PCDH17: variants seen among roughly 807,000 people sequenced by gnomAD.
PCDH17 encodes protocadherin-17.
A neutral mutation model predicts 67.7 loss-of-function variants in PCDH17; 21 were observed. That is an observed-to-expected ratio of 0.31 (90% CI 0.22 to 0.45). The LOEUF is 0.45. Ranked by LOEUF, PCDH17 falls within the 20% of genes least tolerant of loss-of-function variation. The pLI is 1.00. For missense variants in PCDH17, 1,471 were observed against 1,564.8 expected (o/e 0.94, Z 1.01); for synonymous variants, 701 against 656.7 (o/e 1.07, Z -1.03).
intron 3 of PCDH17, among the ~76,000 whole-genome samples, chr13:57,709,348 G>GA: frequency 6.6e-6 from 1 of 151,752 alleles, no homozygotes; most frequent in Admixed American, 6.6e-5. Flanking sequence ...CACTATTGCA[G>GA]AAAATTATTT....
intron 1 of PCDH17, among the ~76,000 whole-genome samples, chr13:57,652,158 G>A (rs1321144993): frequency 1.3e-5 from 2 of 151,532 alleles, no homozygotes; most frequent in Admixed American, 6.6e-5. Flanking sequence ...GGCGCCTGTA[G>A]TCCCACCTAC....
At chr13:57,710,706 C>G (rs920946168) in intron 3 of PCDH17, among the ~76,000 whole-genome samples, 1 of 151,804 alleles carries the variant, frequency 6.6e-6, no homozygotes, top group Non-Finnish European at 1.5e-5. Context: ...GAAAAACTTG[C>G]TACTGGAGAA....
At chr13:57,674,827 C>T (rs1955371346) in intron 3 of PCDH17, among the ~76,000 whole-genome samples, 2 of 151,830 alleles carry the variant, frequency 1.3e-5, no homozygotes, top group African/African-American at 4.8e-5. Flanking sequence ...GAGCATGTTC[C>T]AATATTAGAA....
At chr13:57,693,326 A>ATATATATATATG (rs1955577139) in intron 3 of PCDH17, among the ~76,000 whole-genome samples, 1 of 140,206 alleles carries the variant, frequency 7.1e-6, no homozygotes, top group Non-Finnish European at 1.6e-5. Flanking sequence ...ATATATATAT[A>ATATATATATATG]TATATATATA....
intron 1 of PCDH17, among the ~76,000 whole-genome samples, chr13:57,651,356 G>GTTT (rs67207232): frequency 4.0e-4 from 34 of 84,084 alleles, no homozygotes; most frequent in East Asian, 1.5e-3. Flanking sequence ...TTTAATTGAG[G>GTTT]TTTTTTTTTT....
intron 1 of PCDH17, among the ~76,000 whole-genome samples, chr13:57,664,307 C>G (rs1007987002): frequency 1.3e-5 from 2 of 152,098 alleles, no homozygotes; most frequent in Admixed American, 6.6e-5. Context: ...GCTGCAGTAC[C>G]GTTGCCCAGA....
At chr13:57,639,078 A>G (rs1248704802) in intron 1 of PCDH17, among the ~76,000 whole-genome samples, 9 of 152,028 alleles carry the variant, frequency 5.9e-5, no homozygotes, top group Non-Finnish European at 2.9e-5. Flanking sequence ...CATAAACTAT[A>G]TATACATCTC....
chr13:57,637,509 G>T (rs1204039051), intron 1 of PCDH17, among the ~76,000 whole-genome samples: 1 of 151,544 alleles, frequency 6.6e-6, no homozygotes, highest in Non-Finnish European at 1.5e-5. Flanking sequence ...AAGCATTTAG[G>T]TATCCCATAA....
intron 3 of PCDH17, among the ~76,000 whole-genome samples, chr13:57,673,837 C>T (rs978448718): frequency 6.6e-6 from 1 of 151,918 alleles, no homozygotes; most frequent in African/African-American, 2.4e-5. Context: ...TTCTCAGTGT[C>T]AATTTTCCCA....
At position 57,634,092 on chromosome 13, in the gene PCDH17, A is replaced by G. The variant is rs748747979; in HGVS notation, c.1546A>G (p.Ile516Val). The G allele has an allele frequency of 1.9e-6, 3 of 1,613,318 alleles. No homozygotes were observed. The highest frequency in any genetic ancestry group is 1.7e-6 in the Non-Finnish European group (2 of 1,180,004). The stretch of plus-strand genomic sequence containing the variant: ...ATCCTACTCTATCCTGCCCTCGCAC[A>G]TCGGCGACGTGTCTATCTACACCTA... ...TVSYSILPSHIGDVSIYTYVS... is the reference protein window; with the variant it reads ...TVSYSILPSHVGDVSIYTYVS... The change falls in exon 1 of 4, where the codon ATC (isoleucine) becomes GTC (valine). Residue 516 changes from isoleucine (I) to valine (V), a missense_variant. Physicochemically the swap from Ile to Val is conservative, Grantham distance 29. Coordinates refer to ENST00000377918, the MANE Select transcript of PCDH17 (RefSeq NM_001040429.3). This position sits in a 1 kb window ranked among gnomAD's most constrained non-coding sequence, Gnocchi z 7.8.
At chr13:57,713,216 T>A (rs997486388) in intron 3 of PCDH17, among the ~76,000 whole-genome samples, 3 of 151,720 alleles carry the variant, frequency 2.0e-5, no homozygotes, top group Middle Eastern at 3.2e-3. Flanking sequence ...ATTAAAGCTG[T>A]TACTAGAAAA....
intron 1 of PCDH17, among the ~76,000 whole-genome samples, chr13:57,642,682 C>T (rs1018052220): frequency 2.0e-5 from 3 of 150,936 alleles, no homozygotes; most frequent in African/African-American, 4.9e-5. Flanking sequence ...TGGTTTTTTG[C>T]GTGCCTAAAA....
Position 57,726,699 on chromosome 13 carries a change from A to C in PCDH17, c.*1405A>C, listed in dbSNP as rs527279748. 1.2e-4 allele frequency: 19 copies of C among 152,620 alleles called. No individual in the cohort carries two copies. Among genetic ancestry groups the C allele is most frequent in the African/African-American group, 4.3e-4 (18 of 41,602 alleles). 9.5% of individuals were successfully genotyped at this position (152,620 alleles called of 1,614,324 possible). On this transcript the variant is annotated 3_prime_UTR_variant, in exon 4 of 4. Coordinates refer to ENST00000377918, the MANE Select transcript of PCDH17 (RefSeq NM_001040429.3). Reference sequence around the variant, plus strand: ...GCTTTTATTAAAGTCATGCTAAATCACAAGAATTGACATTTGTACCAATAT... The same window carrying C: ...GCTTTTATTAAAGTCATGCTAAATCCCAAGAATTGACATTTGTACCAATAT...
At chr13:57,668,424 C>T (rs1188356548) in intron 3 of PCDH17, among the ~76,000 whole-genome samples, 1 of 151,900 alleles carries the variant, frequency 6.6e-6, no homozygotes, top group Non-Finnish European at 1.5e-5. Flanking sequence ...AGAGAGCAAA[C>T]CAACAAAAAC....
intron 1 of PCDH17, among the ~76,000 whole-genome samples, chr13:57,654,945 A>G (rs1446269118): frequency 6.6e-6 from 1 of 151,712 alleles, no homozygotes; most frequent in Non-Finnish European, 1.5e-5. Context: ...ATGTTTTTGG[A>G]TGGAATTGGT....
chr13:57,661,522 T>A (rs1955183625), intron 1 of PCDH17, among the ~76,000 whole-genome samples: 1 of 152,182 alleles, frequency 6.6e-6, no homozygotes, highest in Non-Finnish European at 1.5e-5. Flanking sequence ...GTCTAACCAC[T>A]GTGTAGTGCC....
intron 1 of PCDH17, among the ~76,000 whole-genome samples, chr13:57,641,575 AAAAAAAAAAAAAATATATATATAT>A (rs1241703699): frequency 7.8e-5 from 6 of 76,594 alleles, no homozygotes; most frequent in Admixed American, 4.5e-4. Context: ...AAAAAAAAAA[AAAAAAAAAAAAAATATATATATAT>A]ATATATATAT....
intron 3 of PCDH17, among the ~76,000 whole-genome samples, chr13:57,677,221 C>A (rs1193791498): frequency 6.6e-6 from 1 of 151,566 alleles, no homozygotes; most frequent in Non-Finnish European, 1.5e-5. Flanking sequence ...TCTCTTGGGA[C>A]TTATGAAACC....
chr13:57,634,990 A>G lies in PCDH17; in HGVS notation c.2444A>G (p.Tyr815Cys). 6.2e-7 allele frequency: 1 copy of G among 1,613,802 alleles called. No individual in the cohort carries two copies. The highest frequency in any genetic ancestry group is 1.1e-5 in the South Asian group (1 of 91,068). The change falls in exon 1 of 4, where the codon TAT becomes TGT. Residue 815 changes from tyrosine (Y) to cysteine (C), a missense_variant. Tyr to Cys is a radical substitution (Grantham distance 194, BLOSUM62 -2). Transcript: ENST00000377918. This position sits in a 1 kb window ranked among gnomAD's most constrained non-coding sequence, Gnocchi z 7.8. ...PLSSPRSEVM[Y>C]LKPASNNLTV... ...AGCTCGCCCCGGTCGGAGGTGATGTATCTCAAACCGGCCTCCAACAACCTG... is the reference window on the plus strand; with the variant it reads ...AGCTCGCCCCGGTCGGAGGTGATGTGTCTCAAACCGGCCTCCAACAACCTG...
Sources: gnomAD v4.1 joint callset for allele counts (sites outside exome capture counted in the v4.1 genomes callset) on GRCh38, gnomAD v4.1.1 for gene constraint, Gnocchi (gnomAD v3.1) non-coding constraint, MANE v1.5 for transcripts, NCBI Gene and HGNC (gene_info 2026-07-23, HGNC 2026-07-21) for gene names.